NAALADL2: variants seen among roughly 807,000 people sequenced by gnomAD.
NAALADL2 encodes inactive N-acetylated-alpha-linked acidic dipeptidase-like protein 2.
A neutral mutation model predicts 87.2 loss-of-function variants in NAALADL2; 76 were observed. That is an observed-to-expected ratio of 0.87 (90% CI 0.72 to 1.05). The LOEUF (loss-of-function observed/expected upper bound fraction) is 1.05, where lower values mean the gene tolerates loss of function less well. NAALADL2 is among the 50% of genes least tolerant of loss of function. The pLI, the probability that NAALADL2 is intolerant of heterozygous loss-of-function variation, is 0.00. For synonymous variants in NAALADL2, 354 were observed against 331.0 expected (o/e 1.07, Z -0.75); for missense variants, 1,089 against 945.8 (o/e 1.15, Z -1.99).
At chr3:174,628,494 A>AG (rs1553803256) in intron 2 of NAALADL2, among the ~76,000 whole-genome samples, 126 of 151,034 alleles carry the variant, frequency 8.3e-4, no homozygotes, top group African/African-American at 2.7e-3. Context: ...AAAAAAAAAA[A>AG]AAAGATTATC....
Position 175,467,047 on chromosome 3 carries a change from A to C in NAALADL2, c.1396A>C (p.Ser466Arg), listed in dbSNP as rs184535725. 6 of 1,613,784 alleles carry C rather than the reference A, an allele frequency of 3.7e-6. No homozygotes were observed. The highest frequency in any genetic ancestry group is 5.1e-6 in the Non-Finnish European group (6 of 1,179,812). ...HSYNGQEWAS[S>R]TAIITAFIRA... ...TTATAATGGACAAGAATGGGCCAGT[A>C]GTACTGCAATAATCACAGCGTTTAT... The change falls in exon 8 of 14, where the codon AGT becomes CGT. Residue 466 changes from serine to arginine, a missense_variant. Transcript: ENST00000454872.
chr3:175,680,511 AT>A (rs1735443293), intron 11 of NAALADL2, among the ~76,000 whole-genome samples: 1 of 152,146 alleles, frequency 6.6e-6, no homozygotes, highest in African/African-American at 2.4e-5. Flanking sequence ...AGCTGGCTTC[AT>A]TTTTTAAAAT....
intron 1 of NAALADL2, among the ~76,000 whole-genome samples, chr3:174,922,371 T>G (rs929183867): frequency 3.3e-5 from 5 of 151,994 alleles, no homozygotes; most frequent in African/African-American, 1.2e-4. Context: ...TGAACTAATT[T>G]TAGACTTGCT....
intron 4 of NAALADL2, among the ~76,000 whole-genome samples, chr3:175,302,682 A>G (rs895680477): frequency 1.3e-5 from 2 of 152,142 alleles, no homozygotes; most frequent in Non-Finnish European, 2.9e-5. Flanking sequence ...ACTATTTTCT[A>G]GTATAGTACA....
chr3:175,018,857 T>C (rs1190261723), intron 1 of NAALADL2, among the ~76,000 whole-genome samples: 1 of 151,274 alleles, frequency 6.6e-6, no homozygotes, highest in African/African-American at 2.5e-5. Flanking sequence ...TTAGCTTTAC[T>C]GTGACATAGA....
chr3:174,761,981 A>C (rs952017446), intron 3 of NAALADL2, among the ~76,000 whole-genome samples: 2 of 152,146 alleles, frequency 1.3e-5, no homozygotes, highest in African/African-American at 4.8e-5. Context: ...CTTTAGAAGC[A>C]AATAATGTTT....
intron 8 of NAALADL2, among the ~76,000 whole-genome samples, chr3:175,468,544 C>T (rs1003979649): frequency 6.6e-6 from 1 of 151,908 alleles, no homozygotes; most frequent in African/African-American, 2.4e-5. Flanking sequence ...AACAGTAAAG[C>T]ACATATCTTT....
chr3:174,717,238 CTCTATTTTTTTAATTG>C (rs1436746538), intron 2 of NAALADL2, among the ~76,000 whole-genome samples: 2 of 152,016 alleles, frequency 1.3e-5, no homozygotes, highest in Non-Finnish European at 2.9e-5. Context: ...CCTGGTGACT[CTCTATTTTTTTAATTG>C]TGTCAAGTCC....
chr3:175,240,650 G>C (rs1746687122), intron 3 of NAALADL2, among the ~76,000 whole-genome samples: 1 of 151,998 alleles, frequency 6.6e-6, no homozygotes, highest in Non-Finnish European at 1.5e-5. Context: ...CGAAGTTTTT[G>C]TTTGTTTGTT....
At chr3:175,642,683 G>T (rs1729463504) in intron 11 of NAALADL2, among the ~76,000 whole-genome samples, 1 of 151,962 alleles carries the variant, frequency 6.6e-6, no homozygotes, top group South Asian at 2.1e-4. Context: ...TGTATTTTTA[G>T]TACAGACGGG....
chr3:174,941,836 T>G (rs949476811), intron 1 of NAALADL2, among the ~76,000 whole-genome samples: 2 of 152,162 alleles, frequency 1.3e-5, no homozygotes, highest in Admixed American at 1.3e-4. Context: ...TGCTTTTTTC[T>G]GTTTTCCATT....
rs575342355 is a variant in NAALADL2, at chr3:175,097,034, G to C, written c.288G>C (p.Arg96Ser). The C allele has an allele frequency of 1.2e-6, 2 of 1,613,628 alleles. No individual in the cohort carries two copies. The highest frequency in any genetic ancestry group is 1.1e-5 in the South Asian group (1 of 91,078). The change falls in exon 2 of 14, where the codon AGG (arginine) becomes AGC (serine). Residue 96 changes from arginine to serine, a missense_variant. By Grantham distance (110) the Arg-to-Ser change is moderately radical (BLOSUM62 -1). Coordinates refer to ENST00000454872, the MANE Select transcript of NAALADL2 (RefSeq NM_207015.3). The part of the protein sequence containing the change: ...SIQPATSPKG[R>S]FQRLQEESDY... ...AACCAGCAACTTCACCCAAAGGAAGGTTCCAGAGACTTCAAGAAGAATCTG... is the reference window on the plus strand; with the variant it reads ...AACCAGCAACTTCACCCAAAGGAAGCTTCCAGAGACTTCAAGAAGAATCTG...
chr3:175,007,465 C>T (rs2108788796), intron 1 of NAALADL2, among the ~76,000 whole-genome samples: 1 of 152,264 alleles, frequency 6.6e-6, no homozygotes, highest in African/African-American at 2.4e-5. Flanking sequence ...TGGTGAATAT[C>T]CTAGTTCATT....
In NAALADL2 at chr3:175,284,254, A is replaced by G. The variant is rs116562863; in HGVS notation, c.939+27724A>G. Among the ~76,000 whole-genome samples, 727 of 150,512 alleles carry G rather than the reference A, an allele frequency of 4.8e-3. 2 individuals are homozygous for G. Among genetic ancestry groups the G allele is most frequent in the Non-Finnish European group, 6.9e-3 (468 of 67,744 alleles). The stretch of plus-strand genomic sequence containing the variant: ...GGTGTGCATATGTGTGTTACAGAAT[A>G]TAGGTATAAGGATGGCTTAGGCTGC... On this transcript the variant is annotated intron_variant, in intron 4 of 13. Transcript: ENST00000454872.
chr3:175,309,737 T>A (rs1758138293), intron 4 of NAALADL2, among the ~76,000 whole-genome samples: 1 of 152,096 alleles, frequency 6.6e-6, no homozygotes, highest in Admixed American at 6.6e-5. Flanking sequence ...AATAAATTGA[T>A]TAATAATAAA....
chr3:175,401,658 G>C (rs1011014280), intron 5 of NAALADL2, among the ~76,000 whole-genome samples: 2 of 152,108 alleles, frequency 1.3e-5, no homozygotes, highest in Admixed American at 1.3e-4. Flanking sequence ...GTAACACAGT[G>C]GGAAGTATTT....
At chr3:174,881,136 G>T (rs1210353658) in intron 1 of NAALADL2, among the ~76,000 whole-genome samples, 1 of 151,996 alleles carries the variant, frequency 6.6e-6, no homozygotes, top group East Asian at 1.9e-4. Flanking sequence ...TTCAAATAAG[G>T]TCAAAAATCA....
At position 174,644,536 on chromosome 3, in the gene NAALADL2, TAGTTTAAACCCATGC is replaced by T. The variant is rs575309445; in HGVS notation, c.-114-93092_-114-93078del. Among the ~76,000 whole-genome samples the T allele has an allele frequency of 6.3e-4, 96 of 152,166 alleles. 2 individuals carry two copies. The South Asian group carries it at 0.018, about 29-fold the overall frequency. ...CATTTTCATGCAGATTTAAACCATGTAGTTTAAACCCATGCAGTTTAAACCCAGGAGCCATGCAGT... is the reference window on the plus strand; with the variant it reads ...CATTTTCATGCAGATTTAAACCATGTAGTTTAAACCCAGGAGCCATGCAGT... On this transcript the variant is annotated intron_variant, in intron 2 of 3. Coordinates refer to the NAALADL2 transcript ENST00000434257.
At chr3:175,416,111 G>A (rs1038794092) in intron 5 of NAALADL2, among the ~76,000 whole-genome samples, 2 of 151,710 alleles carry the variant, frequency 1.3e-5, no homozygotes, top group East Asian at 1.9e-4. Context: ...AACAGAGCAA[G>A]ACCTCATCTT....
Sources: gnomAD v4.1 joint callset for allele counts (sites outside exome capture counted in the v4.1 genomes callset) on GRCh38, gnomAD v4.1.1 for gene constraint, MANE v1.5 for transcripts, NCBI Gene and HGNC (gene_info 2026-07-23, HGNC 2026-07-21) for gene names.